NLGN4Y: variants seen among roughly 807,000 people sequenced by gnomAD.
NLGN4Y encodes the protein neuroligin-4, Y-linked.
Under a neutral mutation model 8.4 loss-of-function variants are expected in NLGN4Y, and 4 were observed. The ratio of observed to expected loss-of-function variants is 0.48; its 90% CI spans 0.23 to 1.09. NLGN4Y has a LOEUF of 1.09. Ranked by LOEUF, NLGN4Y falls within the 50% of genes least tolerant of loss-of-function variation. The pLI is 0.19. For synonymous variants in NLGN4Y, 35 were observed against 75.6 expected (o/e 0.46, Z 2.78); for missense variants, 90 against 192.3 (o/e 0.47, Z 3.15).
intron 4 of NLGN4Y, among the ~76,000 whole-genome samples, chrY:14,788,869 T>C (rs778167499): frequency 3.0e-5 from 1 of 33,039 alleles, no homozygotes; most frequent in South Asian, 7.0e-4. Context: ...GTTTGAGTAC[T>C]CAGAACAATG....
intron 4 of NLGN4Y, among the ~76,000 whole-genome samples, chrY:14,761,848 C>A (rs2081080516): frequency 2.9e-5 from 1 of 34,092 alleles, no homozygotes; most frequent in African/African-American, 1.1e-4. Flanking sequence ...AAAAAATCAT[C>A]TTTACAGGTA....
intron 2 of NLGN4Y, among the ~76,000 whole-genome samples, chrY:14,662,361 CTATCTA>C (rs2080677947): frequency 5.9e-5 from 2 of 33,791 alleles, no homozygotes; most frequent in African/African-American, 2.3e-4. Context: ...ATCTATCTAT[CTATCTA>C]TGTCTATCTT....
At chrY:14,673,115 TG>T (rs2080727455) in intron 2 of NLGN4Y, among the ~76,000 whole-genome samples, 3 of 28,681 alleles carry the variant, frequency 1.0e-4, no homozygotes, top group African/African-American at 4.3e-4. Flanking sequence ...GACATAGGCG[TG>T]GGCAAGGACT....
intron 1 of NLGN4Y, among the ~76,000 whole-genome samples, chrY:14,525,702 TG>T (rs2080090889): frequency 3.1e-5 from 1 of 31,889 alleles, no homozygotes; most frequent in African/African-American, 1.2e-4. Flanking sequence ...GAGTGGGGGA[TG>T]TTTTTTTCTC....
chrY:14,778,034 T>TATAAATA, intron 4 of NLGN4Y, among the ~76,000 whole-genome samples: 1 of 20,915 alleles, frequency 4.8e-5, no homozygotes, highest in Non-Finnish European at 1.1e-4. Flanking sequence ...CCTGTCTCTG[T>TATAAATA]ATAAATAAAT....
chrY:14,671,690 T>C, intron 2 of NLGN4Y, among the ~76,000 whole-genome samples: 1 of 30,883 alleles, frequency 3.2e-5, no homozygotes, highest in African/African-American at 1.3e-4. Context: ...CTACTAAAAA[T>C]ACAAAATTAG....
At chrY:14,663,200 G>A in intron 2 of NLGN4Y, among the ~76,000 whole-genome samples, 2 of 33,432 alleles carry the variant, frequency 6.0e-5, no homozygotes, top group African/African-American at 2.3e-4. Context: ...GTAAATGACA[G>A]GATCTAATTC....
chrY:14,550,203 CA>C (rs2080187271), intron 1 of NLGN4Y, among the ~76,000 whole-genome samples: 3 of 34,160 alleles, frequency 8.8e-5, no homozygotes, highest in African/African-American at 3.4e-4. Flanking sequence ...TAAAGTTTTT[CA>C]GGGCTGAAAA....
intron 2 of NLGN4Y, chrY:14,639,840 C>G: frequency 1.7e-5 from 2 of 119,133 alleles, no homozygotes; most frequent in South Asian, 4.5e-5. Context: ...TCAGACTCAC[C>G]AAGCCTATAT....
At chrY:14,667,906 A>G in intron 2 of NLGN4Y, among the ~76,000 whole-genome samples, 1 of 33,476 alleles carries the variant, frequency 3.0e-5, no homozygotes, top group Non-Finnish European at 7.4e-5. Context: ...TAGTGCAGAA[A>G]CAGGAAGTGG....
At chrY:14,784,902 C>G in intron 4 of NLGN4Y, among the ~76,000 whole-genome samples, 1 of 32,971 alleles carries the variant, frequency 3.0e-5, no homozygotes, top group Non-Finnish European at 7.4e-5. Flanking sequence ...CCAAATACTG[C>G]TTTTTCTCAC....
At chrY:14,537,402 G>A in intron 1 of NLGN4Y, among the ~76,000 whole-genome samples, 3 of 33,816 alleles carry the variant, frequency 8.9e-5, no homozygotes, top group Non-Finnish European at 1.5e-4. Context: ...TAATAAAAAA[G>A]GTCTGCTTTG....
At chrY:14,712,682 G>A in intron 2 of NLGN4Y, among the ~76,000 whole-genome samples, 2 of 33,704 alleles carry the variant, frequency 5.9e-5, no homozygotes, top group South Asian at 1.3e-3. Flanking sequence ...ACGTTGGAAT[G>A]ATCTGTATGC....
At chrY:14,565,859 GT>G in intron 1 of NLGN4Y, among the ~76,000 whole-genome samples, 1 of 33,354 alleles carries the variant, frequency 3.0e-5, no homozygotes, top group African/African-American at 1.2e-4. Flanking sequence ...GAGTGGGGGG[GT>G]AAATATTCAA....
intron 1 of NLGN4Y, among the ~76,000 whole-genome samples, chrY:14,580,623 C>T: frequency 3.1e-5 from 1 of 32,306 alleles, no homozygotes; most frequent in South Asian, 7.1e-4. Flanking sequence ...GAGATACTGA[C>T]TTGCTTGGTC....
chrY:14,564,205 C>A (rs2150476970), intron 1 of NLGN4Y, among the ~76,000 whole-genome samples: 1 of 33,428 alleles, frequency 3.0e-5, no homozygotes, highest in East Asian at 7.9e-4. Context: ...GTGAACACTG[C>A]TTTAAATGTA....
intron 1 of NLGN4Y, among the ~76,000 whole-genome samples, chrY:14,620,294 T>C (rs2080503965): frequency 3.0e-5 from 1 of 33,797 alleles, no homozygotes; most frequent in Non-Finnish European, 7.4e-5. Context: ...ACGACATCAC[T>C]CTTTGTTTTT....
intron 1 of NLGN4Y, among the ~76,000 whole-genome samples, chrY:14,612,141 G>A: frequency 3.0e-5 from 1 of 33,467 alleles, no homozygotes; most frequent in Non-Finnish European, 7.4e-5. Flanking sequence ...GCTATATCAT[G>A]TCATTTATAT....
chrY:14,604,110 C>T (rs2080438382), intron 1 of NLGN4Y, among the ~76,000 whole-genome samples: 1 of 32,880 alleles, frequency 3.0e-5, no homozygotes, highest in Non-Finnish European at 7.5e-5. Flanking sequence ...AGAGTGGATG[C>T]CACGTGAATG....
Sources: gnomAD v4.1 joint callset for allele counts (sites outside exome capture counted in the v4.1 genomes callset) on GRCh38, gnomAD v4.1.1 for gene constraint, MANE v1.5 for transcripts, NCBI Gene and HGNC (gene_info 2026-07-23, HGNC 2026-07-21) for gene names.